FAM161A: variants seen among roughly 807,000 people sequenced by gnomAD.
FAM161A encodes protein FAM161A.
A neutral mutation model predicts 70.9 loss-of-function variants in FAM161A; 57 were observed. That is an observed-to-expected ratio of 0.80 (90% CI 0.65 to 1.00). The LOEUF (loss-of-function observed/expected upper bound fraction) is 1.00. Ranked by LOEUF, FAM161A falls within the 50% of genes least tolerant of loss-of-function variation. The pLI, the probability that FAM161A is intolerant of heterozygous loss-of-function variation, is 0.00. For synonymous variants in FAM161A, 299 were observed against 295.7 expected, an observed-to-expected ratio of 1.01 and a Z score of -0.12; for missense variants, 880 against 836.0, an observed-to-expected ratio of 1.05 and a Z score of -0.65.
intron 1 of FAM161A, among the ~76,000 whole-genome samples, chr2:61,852,189 T>C (rs1673520881): frequency 6.6e-6 from 1 of 151,968 alleles, no homozygotes; most frequent in Non-Finnish European, 1.5e-5. Flanking sequence ...TTTTTTTTTG[T>C]AGGATCCTGT....
Position 61,825,242 on chromosome 2 carries a change from T to C in FAM161A, c.*1213A>G, listed in dbSNP as rs755970472. ...GCTTAAAGAAAAAAATATAGATTTA[T>C]AAAATCAGATTAACACTGTACACAG... On this transcript the variant is annotated 3_prime_UTR_variant, in exon 7 of 7. Coordinates refer to ENST00000404929, the MANE Select transcript of FAM161A (RefSeq NM_001201543.2). 2 of 443,082 alleles carry C rather than the reference T, an allele frequency of 4.5e-6. No individual in the cohort carries two copies. Among genetic ancestry groups the C allele is most frequent in the South Asian group, 3.3e-5 (2 of 60,224 alleles). The allele number at this position is 443,082 out of a possible 1,614,324, so 27.4% of individuals were successfully genotyped here.
Position 61,854,017 on chromosome 2 carries a change from T to A in FAM161A, c.25A>T (p.Lys9Ter). The A allele has an allele frequency of 1.2e-6, 2 of 1,611,968 alleles. No homozygotes were observed. Among genetic ancestry groups the A allele is most frequent in the Non-Finnish European group, 1.7e-6 (2 of 1,179,162 alleles). The change falls in exon 1 of 7, where the codon AAG (lysine) becomes TAG (stop). Residue 9 changes from lysine (K) to a stop codon, truncating the protein, a stop_gained. Transcript: ENST00000404929. LOFTEE classifies it high-confidence loss of function. MATSHRVA[K>*]LVASSLQTPV... is the part of the protein sequence containing the mutation. ...GTCTGGAGACTGGAGGCCACCAGCT[T>A]CGCCACTCGGTGGGAGGTGGCCATC...
chr2:61,846,252 GC>G (rs1450731642), intron 1 of FAM161A, among the ~76,000 whole-genome samples: 1 of 152,106 alleles, frequency 6.6e-6, no homozygotes, highest in Non-Finnish European at 1.5e-5. Context: ...GCACATGGCT[GC>G]CGGATAAAAG....
the FAM161A span, among the ~76,000 whole-genome samples, chr2:61,811,088 G>C: frequency 1.3e-5 from 2 of 150,308 alleles, no homozygotes; most frequent in Non-Finnish European, 3.0e-5. Flanking sequence ...AATCCTTTTA[G>C]TGTTACCTTT....
Position 61,826,450 on chromosome 2 carries a change from A to G in FAM161A, c.*5T>C, listed in dbSNP as rs1672370100. On this transcript the variant is annotated 3_prime_UTR_variant, in exon 7 of 7. Transcript: ENST00000404929. ...GCAAGGGCATAGAGAGGAGACCTTG[A>G]TGATTCAGTGTGATTCTTCAACAGA... 6.2e-7 allele frequency: 1 copy of G among 1,611,520 alleles called. No individual in the cohort carries two copies. Among genetic ancestry groups the G allele is most frequent in the East Asian group, 2.2e-5 (1 of 44,850 alleles).
rs1672319354 is a variant in FAM161A at position 61,825,493 on chromosome 2, A to T, written c.*962T>A. On this transcript the variant is annotated 3_prime_UTR_variant, in exon 7 of 7. Coordinates refer to ENST00000404929, the MANE Select transcript of FAM161A (RefSeq NM_001201543.2). ...CATAGGGTTAAAAAAACTAGTATAA[A>T]AACTTTCCTAATAATTTACAAATCA... is the stretch of plus-strand genomic sequence containing the variant. 2.2e-6 allele frequency: 1 copy of T among 444,448 alleles called. No homozygotes were observed. Among genetic ancestry groups the T allele is most frequent in the Admixed American group, 2.5e-5 (1 of 40,198 alleles). 27.5% of individuals were successfully genotyped at this position (444,448 alleles called of 1,614,324 possible).
downstream of FAM161A, among the ~76,000 whole-genome samples, chr2:61,820,945 A>G (rs1672189699): frequency 6.6e-6 from 1 of 152,258 alleles, no homozygotes. Context: ...TCTCTCTTCC[A>G]TCACCTACTC....
intron 5 of FAM161A, among the ~76,000 whole-genome samples, chr2:61,833,047 C>T (rs1472350001): frequency 1.3e-5 from 2 of 151,882 alleles, no homozygotes; most frequent in African/African-American, 4.8e-5. Context: ...AATAATGATA[C>T]ATACATTGGT....
chr2:61,838,797 A>G, intron 3 of FAM161A, 92 bp from the exon 4 acceptor site: 1 of 973,714 alleles, frequency 1.0e-6, no homozygotes, highest in South Asian at 4.1e-5. Flanking sequence ...AATTTTGATA[A>G]TTCAAAATTT....
the FAM161A span, among the ~76,000 whole-genome samples, chr2:61,804,447 G>A: frequency 3.4e-4 from 52 of 152,178 alleles, no homozygotes; most frequent in African/African-American, 1.0e-3. Flanking sequence ...CATGTTGGGA[G>A]GTCACGGTGG....
the FAM161A span, among the ~76,000 whole-genome samples, chr2:61,811,530 CG>C: frequency 6.6e-6 from 1 of 152,102 alleles, no homozygotes; most frequent in Non-Finnish European, 1.5e-5. Flanking sequence ...TGATCCACCA[CG>C]CCCTGCTAAT....
At chr2:61,835,205 A>G (rs543587453) in intron 5 of FAM161A, among the ~76,000 whole-genome samples, 52 of 152,356 alleles carry the variant, frequency 3.4e-4, no homozygotes, top group African/African-American at 1.1e-3. Context: ...GTCCAATTAT[A>G]ACAGCTTCAA....
chr2:61,845,415 G>GGTGACCA (rs1673168896), intron 1 of FAM161A, among the ~76,000 whole-genome samples: 1 of 152,138 alleles, frequency 6.6e-6, no homozygotes, highest in Non-Finnish European at 1.5e-5. Context: ...GCTGAAACCA[G>GGTGACCA]GTGACCAGTG....
chr2:61,832,131 A>G (rs1370815176), intron 5 of FAM161A, among the ~76,000 whole-genome samples: 1 of 151,744 alleles, frequency 6.6e-6, no homozygotes, highest in Non-Finnish European at 1.5e-5. Flanking sequence ...TGTAGTCCTA[A>G]CTACTTGGGA....
chr2:61,816,365 A>G, the FAM161A span, among the ~76,000 whole-genome samples: 1 of 152,150 alleles, frequency 6.6e-6, no homozygotes, highest in African/African-American at 2.4e-5. Flanking sequence ...GCCCAAATCT[A>G]CAAGTATCAT....
chr2:61,831,964 C>G (rs1344862417), intron 5 of FAM161A, among the ~76,000 whole-genome samples: 1 of 152,010 alleles, frequency 6.6e-6, no homozygotes, highest in Admixed American at 6.6e-5. Context: ...AAAAGACAGG[C>G]TGGGTGTGGT....
the FAM161A span, among the ~76,000 whole-genome samples, chr2:61,813,738 A>T: frequency 6.6e-6 from 1 of 151,438 alleles, no homozygotes. Context: ...AAAAAAAAGA[A>T]AAAAGAAAAG....
chr2:61,846,676 G>C (rs942593132), intron 1 of FAM161A: 2 of 261,050 alleles, frequency 7.7e-6, no homozygotes, highest in Non-Finnish European at 1.5e-5. Flanking sequence ...CCACACTTCT[G>C]CTTTGCCAGT....
At chr2:61,823,525 C>G (rs1672256585), downstream of FAM161A, among the ~76,000 whole-genome samples, 1 of 151,624 alleles carries the variant, frequency 6.6e-6, no homozygotes, top group Non-Finnish European at 1.5e-5. Flanking sequence ...GACACCCCGC[C>G]TGGCTAACTT....
Sources: allele counts gnomAD v4.1 joint callset (sites outside exome capture counted in the v4.1 genomes callset), GRCh38; gene constraint gnomAD v4.1.1; transcripts MANE v1.5; gene names NCBI Gene and HGNC (gene_info 2026-07-23, HGNC 2026-07-21).